The following UNC13A variants were observed in gnomAD, a reference collection of about 807,000 sequenced individuals.
The protein encoded by UNC13A is unc-13 homolog A, also known as protein unc-13 homolog A.
A neutral mutation model predicts 219.7 loss-of-function variants in UNC13A; 61 were observed. The ratio of observed to expected loss-of-function variants is 0.28; its 90% CI spans 0.23 to 0.34. The LOEUF is 0.34. UNC13A is among the 10% of genes least tolerant of loss of function. The probability of loss-of-function intolerance (pLI) is 1.00; values close to 1 mark genes in which losing one functional copy is unlikely to be tolerated. For synonymous variants in UNC13A, 920 were observed against 884.6 expected (o/e 1.04, Z -0.71); for missense variants, 1,476 against 2,270.3 (o/e 0.65, Z 7.11).
At chr19:17,625,160 G>A (rs1247900497) in intron 34 of UNC13A, among the ~76,000 whole-genome samples, 2 of 152,172 alleles carry the variant, frequency 1.3e-5, no homozygotes, top group Non-Finnish European at 2.9e-5. Flanking sequence ...GGGACCAGAT[G>A]GGAAGGGGCC....
Position 17,674,733 on chromosome 19 carries a change from G to C in UNC13A, c.76C>G (p.Leu26Val). 1 of 1,613,968 alleles carries C rather than the reference G, an allele frequency of 6.2e-7. No homozygotes were observed. Among genetic ancestry groups the C allele is most frequent in the Non-Finnish European group, 8.5e-7 (1 of 1,179,894 alleles). Residue 26 changes from leucine (L) to valine (V), a missense_variant, in exon 3 of 44, where the codon CTG (leucine) becomes GTG (valine). Transcript: ENST00000519716. This position sits in a 1 kb window ranked among gnomAD's most constrained non-coding sequence, Gnocchi z 5.0. ...GTGCTCTTGACATTCTGCACTTTCA[G>C]GGTCACGTACGTGTTGAATTTCTCT... ...AQEKFNTYVT[L>V]KVQNVKSTTI...
intron 43 of UNC13A, 146 bp from the exon 44 acceptor site, chr19:17,606,500 C>T (rs2076532223): frequency 8.2e-7 from 1 of 1,219,850 alleles, no homozygotes; most frequent in South Asian, 1.5e-5. Context: ...CCCGCCCCTG[C>T]CCCGTTACTT....
chr19:17,654,069 C>T (rs1290290495), intron 11 of UNC13A, among the ~76,000 whole-genome samples: 2 of 151,974 alleles, frequency 1.3e-5, no homozygotes, highest in African/African-American at 4.8e-5. Flanking sequence ...CCTCGTGATC[C>T]ACCCACCTCG....
At chr19:17,647,605 T>A in intron 16 of UNC13A, 113 bp from the exon 17 acceptor site, 1 of 1,003,884 alleles carries the variant, frequency 1.0e-6, no homozygotes, top group Non-Finnish European at 1.5e-6. Flanking sequence ...TGTCACCCCC[T>A]GAAGCCGGTT....
rs28483183 is a variant in UNC13A at position 17,653,496 on chromosome 19, C to T, written c.1393-819G>A. On this transcript the variant is annotated intron_variant, in intron 11 of 43. Transcript: ENST00000519716. ...CCTAGTAGCTGGGATTACAGGTGCC[C>T]ACCACCACACCCAATTAATTTTTTG... Among the ~76,000 whole-genome samples the T allele has an allele frequency of 7.9e-3, 1,198 of 151,442 alleles. 16 individuals are homozygous for T. The highest frequency in any genetic ancestry group is 0.026 in the African/African-American group (1,073 of 41,214).
At position 17,649,350 on chromosome 19, in the gene UNC13A, G is replaced by A; in HGVS notation, c.1519-6C>T. The A allele has an allele frequency of 6.3e-7, 1 of 1,596,532 alleles. No individual in the cohort carries two copies. Among genetic ancestry groups the A allele is most frequent in the Non-Finnish European group, 8.5e-7 (1 of 1,174,744 alleles). ...TCGCCATCACTCACCATGGCCTGAA[G>A]TGTCCACGCAGCACATGGGGGTAGA... is the stretch of plus-strand genomic sequence containing the variant. On this transcript the variant is annotated splice_region_variant and splice_polypyrimidine_tract_variant and intron_variant, in intron 13 of 43. Coordinates refer to ENST00000519716, the MANE Select transcript of UNC13A (RefSeq NM_001080421.3). The surrounding 1 kb of genome is among the most constrained non-coding windows in gnomAD (Gnocchi z 4.4).
intron 43 of UNC13A, among the ~76,000 whole-genome samples, chr19:17,608,435 TTTA>T (rs1051664933): frequency 7.3e-6 from 1 of 136,722 alleles, no homozygotes; most frequent in Admixed American, 7.9e-5. Context: ...ATGATATATA[TTTA>T]TTATATATTA....
intron 25 of UNC13A, among the ~76,000 whole-genome samples, chr19:17,636,698 G>C (rs80093723): frequency 0.017 from 2,660 of 152,198 alleles, 96 homozygotes; most frequent in African/African-American, 0.061. Flanking sequence ...AACCCAATCC[G>C]ATTCTACCTA....
At chr19:17,645,920 G>C in intron 18 of UNC13A, 50 bp downstream of exon 18, 1 of 1,601,544 alleles carries the variant, frequency 6.2e-7, no homozygotes, top group South Asian at 1.1e-5. Flanking sequence ...TCTTTTGGCT[G>C]CCCCAGCAGG....
chr19:17,688,318 C>A lies in UNC13A; in HGVS notation c.-119G>T. The A allele has an allele frequency of 7.6e-7, 1 of 1,318,568 alleles. No individual in the cohort carries two copies. Among genetic ancestry groups the A allele is most frequent in the Non-Finnish European group, 9.7e-7 (1 of 1,033,616 alleles). 81.7% of individuals were successfully genotyped at this position (1,318,568 alleles called of 1,614,324 possible). ...CCCGCGCTTGGCTCACGCCGGGGCC[C>A]GGCCGCCACCGGCCATCTTGGTTCA... On this transcript the variant is annotated 5_prime_UTR_variant, in exon 1 of 44. Transcript: ENST00000519716.
chr19:17,674,838 G>T lies in UNC13A; in HGVS notation c.53-82C>A. The T allele has an allele frequency of 8.2e-7, 1 of 1,226,322 alleles. No individual in the cohort carries two copies. Among genetic ancestry groups the T allele is most frequent in the African/African-American group, 1.5e-5 (1 of 67,270 alleles). 76.0% of individuals were successfully genotyped at this position (1,226,322 alleles called of 1,614,324 possible). On this transcript the variant is annotated intron_variant, in intron 2 of 43. Transcript: ENST00000519716. The surrounding 1 kb of genome is among the most constrained non-coding windows in gnomAD (Gnocchi z 5.0). ...TCCCAAGCTCTAGACCATCTGCTGT[G>T]ATCCCCTCAGGAATTTCTGGGCCAC... is the stretch of plus-strand genomic sequence containing the variant.
At chr19:17,672,293 A>G (rs1043832010) in intron 4 of UNC13A, 85 bp downstream of exon 4, 14 of 1,071,888 alleles carry the variant, frequency 1.3e-5, no homozygotes, top group Admixed American at 1.0e-4. Flanking sequence ...GATAGGAGAT[A>G]AATGCCCATC....
intron 41 of UNC13A, chr19:17,616,509 G>T: frequency 1.5e-6 from 1 of 663,794 alleles, no homozygotes; most frequent in South Asian, 1.6e-5. Context: ...TGGGAAGCAT[G>T]GGGAGCGGGG....
intron 1 of UNC13A, 140 bp downstream of exon 1, chr19:17,688,038 G>C: frequency 9.2e-7 from 1 of 1,091,496 alleles, no homozygotes; most frequent in South Asian, 2.1e-5. Context: ...CAGCTGCGTC[G>C]ACAAGGGCTA....
At chr19:17,623,511 C>G in intron 36 of UNC13A, 31 bp downstream of exon 36, 1 of 1,523,868 alleles carries the variant, frequency 6.6e-7, no homozygotes, top group Middle Eastern at 2.3e-4. Context: ...AGAGGACGGA[C>G]AGACAGACGG....
rs1019695818 is a variant in UNC13A, at chr19:17,627,114, C to T, written c.3921-329G>A. ...CCAGGAAGTGGAGGGTGCAGTGAGC[C>T]GAGATCGCGCCACTGCACTCCAGCC... On this transcript the variant is annotated intron_variant, in intron 33 of 43. Coordinates refer to ENST00000519716, the MANE Select transcript of UNC13A (RefSeq NM_001080421.3). The surrounding 1 kb of genome is among the most constrained non-coding windows in gnomAD (Gnocchi z 4.7). Among the ~76,000 whole-genome samples the T allele has an allele frequency of 1.3e-5, 2 of 151,516 alleles. No individual in the cohort carries two copies. The highest frequency in any genetic ancestry group is 2.9e-5 in the Non-Finnish European group (2 of 67,930).
intron 41 of UNC13A, chr19:17,616,377 C>CG (rs780222425): frequency 1.9e-4 from 118 of 633,028 alleles, no homozygotes; most frequent in Non-Finnish European, 3.0e-4. Context: ...GCACCAGGCG[C>CG]GGGCGGCGGG....
At chr19:17,614,582 G>A (rs1166609052) in intron 41 of UNC13A, among the ~76,000 whole-genome samples, 3 of 152,070 alleles carry the variant, frequency 2.0e-5, no homozygotes, top group Admixed American at 2.0e-4. Context: ...CCCATGCACG[G>A]GGAGAAGAAG....
At chr19:17,675,010 G>C (rs546937450) in intron 2 of UNC13A, among the ~76,000 whole-genome samples, 1 of 152,284 alleles carries the variant, frequency 6.6e-6, no homozygotes, top group South Asian at 2.1e-4. Flanking sequence ...TCCCAGAAAA[G>C]GGGAACAAAA....
Sources: allele counts gnomAD v4.1 joint callset (sites outside exome capture counted in the v4.1 genomes callset), GRCh38; gene constraint gnomAD v4.1.1; non-coding constraint Gnocchi (gnomAD v3.1); transcripts MANE v1.5; gene names NCBI Gene and HGNC (gene_info 2026-07-23, HGNC 2026-07-21).